RDH13: variants seen among roughly 807,000 people sequenced by gnomAD.
RDH13 encodes the protein retinol dehydrogenase 13 (all-trans and 9-cis).
A neutral mutation model predicts 28.3 loss-of-function variants in RDH13; 35 were observed. The ratio of observed to expected loss-of-function variants is 1.24; its 90% CI spans 0.95 to 1.64. The LOEUF is 1.64. Among genes scored for constraint, RDH13 ranks in the 40% most tolerant of loss-of-function variants. The pLI, the probability that RDH13 is intolerant of heterozygous loss-of-function variation, is 0.00. For synonymous variants in RDH13, 229 were observed against 198.5 expected (o/e 1.15, Z -1.29); for missense variants, 514 against 446.3 (o/e 1.15, Z -1.37).
intron 6 of RDH13, chr19:55,046,475 C>G (rs1487275762): frequency 6.6e-6 from 1 of 151,494 alleles, no homozygotes; most frequent in Non-Finnish European, 1.5e-5. Flanking sequence ...GGTGGCCAGG[C>G]TGGTCTCGAA....
At chr19:55,055,130 G>A (rs1352214980) in intron 3 of RDH13, among the ~76,000 whole-genome samples, 1 of 152,028 alleles carries the variant, frequency 6.6e-6, no homozygotes, top group Non-Finnish European at 1.5e-5. Flanking sequence ...TCCTGGGGCT[G>A]GTGCAGATCA....
Position 55,048,558 on chromosome 19 carries a change from G to A in RDH13, c.446-17C>T, listed in dbSNP as rs2075319776. 5.0e-6 allele frequency: 8 copies of A among 1,613,290 alleles called. No individual in the cohort carries two copies. Among genetic ancestry groups the A allele is most frequent in the Non-Finnish European group, 6.8e-6 (8 of 1,179,368 alleles). ...GAAAGTGACCTGGATTAAGGATGAT[G>A]AAAAGGTCACTTTTGACTCACACCT... On this transcript the variant is annotated splice_polypyrimidine_tract_variant and intron_variant, in intron 4 of 6. Coordinates refer to ENST00000415061, the MANE Select transcript of RDH13 (RefSeq NM_001145971.2).
At chr19:55,053,382 G>A (rs1250143599) in intron 3 of RDH13, among the ~76,000 whole-genome samples, 3 of 152,118 alleles carry the variant, frequency 2.0e-5, no homozygotes, top group African/African-American at 4.8e-5. Context: ...GAGGCTGGGC[G>A]TGGTGGCTCA....
intron 2 of RDH13, among the ~76,000 whole-genome samples, chr19:55,057,434 CCTTTT>C (rs1476547582): frequency 1.1e-5 from 1 of 90,246 alleles, no homozygotes; most frequent in Non-Finnish European, 2.3e-5. Flanking sequence ...CCCATCCTCT[CCTTTT>C]TTTTTTTTTT....
chr19:55,060,375 C>T (rs527765601), intron 1 of RDH13, among the ~76,000 whole-genome samples: 18 of 152,264 alleles, frequency 1.2e-4, no homozygotes, highest in African/African-American at 4.3e-4. Flanking sequence ...ATCTGGCCTA[C>T]GTGCACGTCC....
At chr19:55,046,927 C>G (rs994926460) in intron 6 of RDH13, 1 of 168,840 alleles carries the variant, frequency 5.9e-6, no homozygotes, top group Non-Finnish European at 1.2e-5. Flanking sequence ...GTTTGTTCCA[C>G]CTATTCTCTG....
At chr19:55,040,323 T>G (rs951942639), downstream of RDH13, 3 of 152,258 alleles carry the variant, frequency 2.0e-5, no homozygotes, top group African/African-American at 7.2e-5. Context: ...CATGCCTAGT[T>G]GATTTTTTGT....
intron 1 of RDH13, 85 bp downstream of exon 1, chr19:55,062,883 C>A (rs2075849202): frequency 1.7e-6 from 2 of 1,188,084 alleles, no homozygotes; most frequent in Non-Finnish European, 2.2e-6. Flanking sequence ...GACCCGGGTG[C>A]GAGGGGCGGG....
Position 55,048,674 on chromosome 19 carries a change from C to A in RDH13, c.430G>T (p.Gly144Cys). 1 of 1,613,960 alleles carries A rather than the reference C, an allele frequency of 6.2e-7. No homozygotes were observed. Among genetic ancestry groups the A allele is most frequent in the Admixed American group, 1.7e-5 (1 of 59,960 alleles). Residue 144 changes from glycine to cysteine, a missense_variant, in exon 4 of 7, where the codon GGC becomes TGC. Coordinates refer to ENST00000415061, the MANE Select transcript of RDH13 (RefSeq NM_001145971.2). ...CAGGCCTCACCCAGGTGGTTAACGC[C>A]AAACTGCATCTCGAAGCCGTCCTCG... ...TTEDGFEMQF[G>C]VNHLGHFLLT...
At chr19:55,045,656 C>T (rs1626971) in intron 6 of RDH13, among the ~76,000 whole-genome samples, 128,368 of 152,060 alleles carry the variant, frequency 0.84, 54,309 homozygotes, top group East Asian at 0.98. Context: ...GGTTAAGGAT[C>T]TTTTTTTGGC....
Position 55,045,298 on chromosome 19 carries a change from A to AGAAGATGGGCCCTGCAATCAGCCC in RDH13, c.761-13_771dup (p.Phe257_Trp258insGlyLeuIleAlaGlyProIlePhe). On this transcript the variant is annotated inframe_insertion, in exon 7 of 7. Transcript: ENST00000415061. ...AGCTCGGGGCTCTTGACCAGCAGCC[A>AGAAGATGGGCCCTGCAATCAGCCC]GAAGATGGGCCCTGCAATCAGCCCA... The AGAAGATGGGCCCTGCAATCAGCCC allele has an allele frequency of 6.2e-7, 1 of 1,612,098 alleles. No individual in the cohort carries two copies. The highest frequency in any genetic ancestry group is 1.7e-5 in the Admixed American group (1 of 59,918).
intron 3 of RDH13, among the ~76,000 whole-genome samples, chr19:55,054,198 C>G (rs919924031): frequency 6.6e-6 from 1 of 152,192 alleles, no homozygotes; most frequent in African/African-American, 2.4e-5. Context: ...AATGAGGTCC[C>G]ACAACTCCCC....
At chr19:55,043,582 C>G (rs796096198), downstream of RDH13, among the ~76,000 whole-genome samples, 1 of 151,788 alleles carries the variant, frequency 6.6e-6, no homozygotes, top group Non-Finnish European at 1.5e-5. Flanking sequence ...GCATGAGAAT[C>G]GCTTGAACAT....
rs749440790 is a variant in RDH13, at chr19:55,045,100, C to G, written c.970G>C (p.Val324Leu). Residue 324 changes from valine to leucine, a missense_variant, in exon 7 of 7, where the codon GTG (valine) becomes CTG (leucine). Transcript: ENST00000415061. ...TATCTGGGGAGGGGCTGCTCCCTCA[C>G]AGAGGGAGCCTCTAAGCCCACCAGG... The part of the protein sequence containing the change: ...ARLVGLEAPS[V>L]REQPLPR The G allele has an allele frequency of 6.2e-7, 1 of 1,609,560 alleles. No individual in the cohort carries two copies. The highest frequency in any genetic ancestry group is 8.5e-7 in the Non-Finnish European group (1 of 1,177,786).
Position 55,060,190 on chromosome 19 carries a change from C to T in RDH13, c.66-915G>A, listed in dbSNP as rs534551062. 2.1e-5 allele frequency among the ~76,000 whole-genome samples: 3 copies of T among 139,626 alleles called. No individual in the cohort carries two copies. In the East Asian group the frequency reaches 6.8e-4, roughly 31 times the overall value. 91.6% of individuals were successfully genotyped at this position (139,626 alleles called of 152,430 possible). A position where few individuals can be genotyped will look rare whatever the true frequency, so the allele number is the denominator to read the frequency against. ...TTGCAGTTGAGAGAGAGGAAGGCCA[C>T]TGTCTCCTGCCTGACCCTGGGAACT... is the stretch of plus-strand genomic sequence containing the variant. On this transcript the variant is annotated intron_variant, in intron 1 of 6. Transcript: ENST00000415061.
At position 55,063,068 on chromosome 19, in the gene RDH13, G is replaced by A. The variant is rs754563609; in HGVS notation, c.-36C>T. 2 of 1,119,808 alleles carry A rather than the reference G, an allele frequency of 1.8e-6. No homozygotes were observed. Among genetic ancestry groups the A allele is most frequent in the Admixed American group, 6.9e-5 (1 of 14,550 alleles). The allele number at this position is 1,119,808 out of a possible 1,614,324, so 69.4% of individuals were successfully genotyped here. A position where few individuals can be genotyped will look rare whatever the true frequency, so the allele number is the denominator to read the frequency against. On this transcript the variant is annotated 5_prime_UTR_variant, in exon 1 of 7. Coordinates refer to ENST00000415061, the MANE Select transcript of RDH13 (RefSeq NM_001145971.2). The stretch of plus-strand genomic sequence containing the variant: ...GGACAGGCGTCAGGCGTCAGGGGTC[G>A]GCGCGGAGCTTGCTGCACACCAGCC...
At chr19:55,056,238 A>T (rs2603704) in intron 3 of RDH13, among the ~76,000 whole-genome samples, 111,860 of 151,394 alleles carry the variant, frequency 0.74, 41,518 homozygotes, top group East Asian at 0.94. Flanking sequence ...CTGAGGCAGG[A>T]GAATCACCTG....
downstream of RDH13, among the ~76,000 whole-genome samples, chr19:55,043,561 G>GGGA (rs913949227): frequency 4.6e-5 from 7 of 151,364 alleles, no homozygotes; most frequent in African/African-American, 1.7e-4. Flanking sequence ...CCAGCTACTC[G>GGGA]GGAGGCTGAG....
intron 3 of RDH13, among the ~76,000 whole-genome samples, chr19:55,055,787 A>G (rs911482468): frequency 2.6e-5 from 4 of 152,082 alleles, no homozygotes; most frequent in African/African-American, 4.8e-5. Flanking sequence ...CAGCAGGTTG[A>G]GACTGCAGTG....
Sources: gnomAD v4.1 joint callset for allele counts (sites outside exome capture counted in the v4.1 genomes callset) on GRCh38, gnomAD v4.1.1 for gene constraint, MANE v1.5 for transcripts, NCBI Gene and HGNC (gene_info 2026-07-23, HGNC 2026-07-21) for gene names.